The following DPYD variants were observed in gnomAD, a reference collection of about 807,000 sequenced individuals.
The protein encoded by DPYD is dihydropyrimidine dehydrogenase, also known as dihydropyrimidine dehydrogenase [NADP(+)].
DPYD carries 109 observed loss-of-function variants against 116.2 expected under a neutral mutation model. The ratio of observed to expected loss-of-function variants is 0.94; its 90% CI spans 0.80 to 1.10. The LOEUF (loss-of-function observed/expected upper bound fraction) is 1.10. Among genes scored for constraint, DPYD ranks in the 50% least tolerant of loss-of-function variants. DPYD has a pLI of 0.00. For synonymous variants in DPYD, 440 were observed against 432.0 expected (o/e 1.02, Z -0.23); for missense variants, 1,302 against 1,254.5 (o/e 1.04, Z -0.57).
chr1:97,587,539 G>C (rs1262681772), intron 10 of DPYD, among the ~76,000 whole-genome samples: 1 of 152,088 alleles, frequency 6.6e-6, no homozygotes, highest in Non-Finnish European at 1.5e-5. Context: ...GAAAATACAT[G>C]TTTAGGCCAC....
intron 14 of DPYD, among the ~76,000 whole-genome samples, chr1:97,389,256 C>G (rs1672533170): frequency 6.7e-6 from 1 of 150,170 alleles, no homozygotes; most frequent in African/African-American, 2.5e-5. Context: ...CTTCAGTGAG[C>G]CATGATTGTA....
chr1:97,203,674 C>CCA (rs1557935750), intron 19 of DPYD, among the ~76,000 whole-genome samples: 8 of 18,200 alleles, frequency 4.4e-4, no homozygotes, highest in Non-Finnish European at 4.9e-4. Flanking sequence ...CCCCCCCCCC[C>CCA]AAAAAAAAAA....
intron 19 of DPYD, 95 bp from the exon 20 acceptor site, chr1:97,193,343 G>A: frequency 7.6e-7 from 1 of 1,311,154 alleles, no homozygotes. Context: ...TTTATTTTAT[G>A]TGCCAGGCAC....
intron 10 of DPYD, among the ~76,000 whole-genome samples, chr1:97,583,952 T>C (rs1571003670): frequency 6.6e-6 from 1 of 152,132 alleles, no homozygotes; most frequent in East Asian, 1.9e-4. Flanking sequence ...CTGGGTCAAA[T>C]GGTATTTCTA....
intron 21 of DPYD, chr1:97,095,800 C>T (rs1218618882): frequency 6.6e-6 from 1 of 152,060 alleles, no homozygotes; most frequent in East Asian, 1.9e-4. Flanking sequence ...TCCCCGAAAA[C>T]CTCGCCACTA....
At chr1:97,882,368 T>A (rs1672270200) in intron 2 of DPYD, among the ~76,000 whole-genome samples, 1 of 151,964 alleles carries the variant, frequency 6.6e-6, no homozygotes, top group Non-Finnish European at 1.5e-5. Flanking sequence ...CAAGCACACA[T>A]GAGCACACAC....
intron 8 of DPYD, among the ~76,000 whole-genome samples, chr1:97,607,056 A>G (rs1009223269): frequency 6.6e-6 from 1 of 151,978 alleles, no homozygotes; most frequent in Non-Finnish European, 1.5e-5. Flanking sequence ...CATTCTATAT[A>G]TGGCATTCAA....
intron 20 of DPYD, among the ~76,000 whole-genome samples, chr1:97,139,306 T>G (rs1468028189): frequency 6.6e-6 from 1 of 152,100 alleles, no homozygotes; most frequent in African/African-American, 2.4e-5. Context: ...GCCAGTGGGA[T>G]TTTTAGAAAA....
At chr1:97,463,279 A>G (rs1241350142) in intron 13 of DPYD, among the ~76,000 whole-genome samples, 2 of 152,206 alleles carry the variant, frequency 1.3e-5, no homozygotes, top group Admixed American at 6.5e-5. Context: ...ATAAGTCTCA[A>G]GAGATCTGAT....
chr1:97,280,504 T>C (rs372714322), intron 18 of DPYD, among the ~76,000 whole-genome samples: 2 of 152,108 alleles, frequency 1.3e-5, no homozygotes, highest in Non-Finnish European at 2.9e-5. Flanking sequence ...TAAATGGCCA[T>C]CTATAGATAA....
chr1:97,573,906 A>C lies in DPYD; in HGVS notation c.1193T>G (p.Val398Gly), dbSNP rs2102184177. ...LPFLSPRKVI[V>G]KGGRIVAMQF... ...CATAGCAACAATTCTCCCACCTTTTACTATAACCTTCCGTGGGGACAGGAA... is the reference window on the plus strand; with the variant it reads ...CATAGCAACAATTCTCCCACCTTTTCCTATAACCTTCCGTGGGGACAGGAA... The change falls in exon 11 of 23, where the codon GTA (valine) becomes GGA (glycine). Residue 398 changes from valine to glycine, a missense_variant. Physicochemically the swap from Val to Gly is moderately radical, Grantham distance 109. Transcript: ENST00000370192. 6.2e-7 allele frequency: 1 copy of C among 1,613,662 alleles called. No individual in the cohort carries two copies. Among genetic ancestry groups the C allele is most frequent in the Non-Finnish European group, 8.5e-7 (1 of 1,179,700 alleles).
At chr1:97,523,052 T>C (rs1030450459) in intron 12 of DPYD, among the ~76,000 whole-genome samples, 6 of 152,152 alleles carry the variant, frequency 3.9e-5, no homozygotes, top group African/African-American at 4.8e-5. Context: ...TCCCTTCCCA[T>C]TGTAAAGCAA....
rs563717624 is a variant in DPYD at position 97,534,959 on chromosome 1, A to T, written c.1524+14601T>A. On this transcript the variant is annotated intron_variant, in intron 12 of 22. Transcript: ENST00000370192. ...CCATGAATGAAAATGATGAGGTTCA[A>T]GATAACGTATTGGAGATTTTAAAAG... Among the ~76,000 whole-genome samples the T allele has an allele frequency of 1.1e-4, 16 of 152,248 alleles. No homozygotes were observed. The East Asian group carries it at 3.1e-3, about 29-fold the overall frequency.
At chr1:97,572,066 G>A (rs981731803) in intron 11 of DPYD, among the ~76,000 whole-genome samples, 2 of 151,700 alleles carry the variant, frequency 1.3e-5, no homozygotes, top group African/African-American at 2.4e-5. Context: ...TCTACAGGCA[G>A]TTTATTATTT....
chr1:97,173,347 C>CGT (rs2101778487), intron 20 of DPYD, among the ~76,000 whole-genome samples: 1 of 149,056 alleles, frequency 6.7e-6, no homozygotes, highest in African/African-American at 2.5e-5. Flanking sequence ...TATATATGCA[C>CGT]ACATATATGT....
intron 16 of DPYD, among the ~76,000 whole-genome samples, chr1:97,344,619 T>C (rs1477043225): frequency 2.0e-5 from 3 of 151,264 alleles, no homozygotes; most frequent in Admixed American, 6.6e-5. Context: ...ACACACTACA[T>C]TGATATATGC....
At chr1:97,594,791 T>A (rs2102258021) in intron 9 of DPYD, among the ~76,000 whole-genome samples, 1 of 152,294 alleles carries the variant, frequency 6.6e-6, no homozygotes, top group East Asian at 1.9e-4. Flanking sequence ...AGGACTTGCT[T>A]ACCTTGAAGC....
chr1:97,163,705 C>A (rs965898951), intron 20 of DPYD, among the ~76,000 whole-genome samples: 8 of 152,134 alleles, frequency 5.3e-5, no homozygotes, highest in African/African-American at 1.9e-4. Flanking sequence ...TTCCCTTCAC[C>A]CTCAAACCCT....
chr1:97,503,933 G>A (rs1679740761), intron 13 of DPYD, among the ~76,000 whole-genome samples: 1 of 151,824 alleles, frequency 6.6e-6, no homozygotes, highest in Admixed American at 6.6e-5. Context: ...ATACATTTTG[G>A]CTGAGACCTT....
Sources: allele counts gnomAD v4.1 joint callset (sites outside exome capture counted in the v4.1 genomes callset), GRCh38; gene constraint gnomAD v4.1.1; transcripts MANE v1.5; gene names NCBI Gene and HGNC (gene_info 2026-07-23, HGNC 2026-07-21).